DNAAF19: variants seen among roughly 807,000 people sequenced by gnomAD.
DNAAF19 encodes dynein axonemal assembly factor 19, also known as coiled-coil domain containing 103.
At chr17:44,904,927 A>G in the DNAAF19 span, 1 of 1,550,634 alleles carries the variant, frequency 6.4e-7, no homozygotes, top group Non-Finnish European at 8.7e-7. Context: ...GGCACTACCC[A>G]GCCTCGTTCT....
chr17:44,902,317 G>A, the DNAAF19 span: 1 of 1,613,500 alleles, frequency 6.2e-7, no homozygotes, highest in African/African-American at 1.3e-5. Context: ...CACTGTTGCA[G>A]AACAGCTGGA....
At chr17:44,903,049 G>T in the DNAAF19 span, 2 of 1,389,758 alleles carry the variant, frequency 1.4e-6, no homozygotes, top group Non-Finnish European at 1.9e-6. Flanking sequence ...GAAGTTGAGA[G>T]CGGTTTTGTT....
the DNAAF19 span, chr17:44,901,517 C>T: frequency 6.2e-7 from 1 of 1,614,024 alleles, no homozygotes; most frequent in Non-Finnish European, 8.5e-7. Flanking sequence ...CCTTTGCCTA[C>T]AGGGGTATTG....
At chr17:44,900,104 A>G in the DNAAF19 span, among the ~76,000 whole-genome samples, 3 of 152,118 alleles carry the variant, frequency 2.0e-5, no homozygotes, top group Admixed American at 1.3e-4. Context: ...TGCCAGAGCC[A>G]CGACTAGAAC....
the DNAAF19 span, chr17:44,902,709 G>A: frequency 6.2e-7 from 1 of 1,613,686 alleles, no homozygotes; most frequent in African/African-American, 1.3e-5. Flanking sequence ...CCAGATCCGT[G>A]AAGGAGGGGC....
chr17:44,901,739 TG>T, the DNAAF19 span: 1 of 1,504,202 alleles, frequency 6.6e-7, no homozygotes, highest in East Asian at 2.3e-5. Flanking sequence ...TGTTTTGTTT[TG>T]TTTTTTTAAC....
chr17:44,904,725 C>G, the DNAAF19 span: 5 of 1,550,568 alleles, frequency 3.2e-6, no homozygotes, highest in Admixed American at 3.9e-5. Context: ...CATGCAGTGG[C>G]CTGGGACAAA....
At chr17:44,903,710 C>T in the DNAAF19 span, 7 of 1,440,186 alleles carry the variant, frequency 4.9e-6, no homozygotes, top group Non-Finnish European at 6.4e-6. Context: ...TGCTGCTTTT[C>T]CTGGCTGCAT....
the DNAAF19 span, chr17:44,904,993 CA>C: frequency 6.4e-7 from 1 of 1,550,840 alleles, no homozygotes; most frequent in East Asian, 2.4e-5. Context: ...ACCTGCTCAT[CA>C]CAGCAGTCTT....
chr17:44,902,891 A>G, the DNAAF19 span: 5 of 1,443,654 alleles, frequency 3.5e-6, no homozygotes, highest in African/African-American at 7.2e-5. Context: ...GGGGTTCTGC[A>G]GGACCATAAT....
At chr17:44,902,195 C>T in the DNAAF19 span, 2 of 829,422 alleles carry the variant, frequency 2.4e-6, no homozygotes, top group Non-Finnish European at 4.1e-6. Flanking sequence ...CCTGTTTCAT[C>T]CCCAGTTTCC....
At chr17:44,903,750 TAGC>T in the DNAAF19 span, 4 of 1,467,290 alleles carry the variant, frequency 2.7e-6, no homozygotes, top group African/African-American at 4.3e-5. Flanking sequence ...GGCTTCCGCT[TAGC>T]AGAGCTTTCT....
the DNAAF19 span, chr17:44,900,859 A>G: frequency 1.2e-6 from 1 of 826,328 alleles, no homozygotes; most frequent in East Asian, 3.1e-5. Context: ...TTTTTGTAAC[A>G]CCTCCCAATC....
chr17:44,902,239 T>G, the DNAAF19 span: 1 of 1,325,166 alleles, frequency 7.5e-7, no homozygotes, highest in Non-Finnish European at 1.1e-6. Flanking sequence ...GGACCACAGC[T>G]TTCCCAGTGC....
the DNAAF19 span, chr17:44,902,665 G>A: frequency 6.2e-7 from 1 of 1,614,156 alleles, no homozygotes; most frequent in South Asian, 1.1e-5. Context: ...GAGCTGCAAG[G>A]GCTTGTTTCA....
chr17:44,902,826 G>A, the DNAAF19 span: 1 of 1,529,758 alleles, frequency 6.5e-7, no homozygotes, highest in South Asian at 1.2e-5. Flanking sequence ...GATGCGGCAA[G>A]CTACCCTCAG....
chr17:44,902,470 G>C, the DNAAF19 span: 1 of 1,614,274 alleles, frequency 6.2e-7, no homozygotes, highest in Non-Finnish European at 8.5e-7. Flanking sequence ...GCAGCTTGGG[G>C]GTCCAAGGCT....
chr17:44,899,926 AC>A, the DNAAF19 span: 5 of 152,140 alleles, frequency 3.3e-5, no homozygotes, highest in Non-Finnish European at 7.3e-5. Context: ...GTTACTGGCC[AC>A]CCCAGCCCCT....
chr17:44,904,429 C>T, the DNAAF19 span: 2 of 1,541,322 alleles, frequency 1.3e-6, no homozygotes, highest in Non-Finnish European at 1.8e-6. Context: ...GCCCAGACCT[C>T]TCCCCACGCT....
Sources: gnomAD v4.1 joint callset for allele counts (sites outside exome capture counted in the v4.1 genomes callset) on GRCh38, gnomAD v4.1.1 for gene constraint, MANE v1.5 for transcripts, NCBI Gene and HGNC (gene_info 2026-07-23, HGNC 2026-07-21) for gene names.